FSHR: variants seen among roughly 807,000 people sequenced by gnomAD.
FSHR encodes follicle-stimulating hormone receptor.
A neutral mutation model predicts 52.1 loss-of-function variants in FSHR; 46 were observed. That is an observed-to-expected ratio of 0.88 (90% CI 0.70 to 1.13). The LOEUF is 1.13. Among genes scored for constraint, FSHR ranks in the 50% most tolerant of loss-of-function variants. The pLI, the probability that FSHR is intolerant of heterozygous loss-of-function variation, is 0.00. For missense variants in FSHR, 964 were observed against 834.6 expected, an observed-to-expected ratio of 1.16 and a Z score of -1.91; for synonymous variants, 399 against 309.6, an observed-to-expected ratio of 1.29 and a Z score of -3.03.
chr2:49,016,351 C>T (rs554558146), intron 4 of FSHR, among the ~76,000 whole-genome samples: 21 of 152,278 alleles, frequency 1.4e-4, no homozygotes, highest in African/African-American at 4.8e-4. Flanking sequence ...CCTTTTGAAT[C>T]TGGATGATTC....
chr2:49,039,489 A>G (rs1668407393), intron 2 of FSHR, among the ~76,000 whole-genome samples: 1 of 152,216 alleles, frequency 6.6e-6, no homozygotes, highest in Admixed American at 6.5e-5. Context: ...CTTTCTTGTT[A>G]TCTTTCCAAA....
intron 1 of FSHR, among the ~76,000 whole-genome samples, chr2:49,115,172 A>G (rs1320805969): frequency 6.6e-6 from 1 of 150,704 alleles, no homozygotes; most frequent in Admixed American, 6.6e-5. Context: ...GACCCTTTAC[A>G]GGATCCAACC....
chr2:49,088,409 A>C (rs561498568), intron 1 of FSHR, among the ~76,000 whole-genome samples: 1 of 152,358 alleles, frequency 6.6e-6, no homozygotes, highest in Admixed American at 6.5e-5. Context: ...ATTTTACCAG[A>C]AATTCTTCAG....
chr2:49,101,215 T>C (rs1355128657), intron 1 of FSHR, among the ~76,000 whole-genome samples: 2 of 152,024 alleles, frequency 1.3e-5, no homozygotes, highest in South Asian at 2.1e-4. Context: ...AGGGAAGAGA[T>C]GTTGGAGGGT....
intron 1 of FSHR, among the ~76,000 whole-genome samples, chr2:49,091,132 CA>C (rs983605827): frequency 2.2e-5 from 3 of 136,476 alleles, no homozygotes; most frequent in African/African-American, 8.0e-5. Context: ...TCCAACTTAC[CA>C]TTTTTTTTTT....
intron 1 of FSHR, among the ~76,000 whole-genome samples, chr2:49,104,174 A>G (rs927142071): frequency 2.0e-5 from 3 of 152,106 alleles, no homozygotes; most frequent in African/African-American, 4.8e-5. Flanking sequence ...CCCAGGCCCA[A>G]TGGCCTTGGG....
Position 48,988,976 on chromosome 2 carries a change from C to A in FSHR, c.524+1G>T. The stretch of plus-strand genomic sequence containing the variant: ...TGTTGGATTTTTTCCCCCTTACTTA[C>A]AGAATCACACTTTCAAAGCTCAGCC... On this transcript the variant is annotated splice_donor_variant, in intron 6 of 9. Coordinates refer to ENST00000406846, the MANE Select transcript of FSHR (RefSeq NM_000145.4). LOFTEE classifies it high-confidence loss of function. The A allele has an allele frequency of 6.2e-7, 1 of 1,612,864 alleles. No individual in the cohort carries two copies. Among genetic ancestry groups the A allele is most frequent in the Non-Finnish European group, 8.5e-7 (1 of 1,178,942 alleles).
intron 4 of FSHR, among the ~76,000 whole-genome samples, chr2:48,993,858 G>A (rs1002282299): frequency 1.3e-5 from 2 of 152,114 alleles, no homozygotes; most frequent in Non-Finnish European, 2.9e-5. Flanking sequence ...TCACCCTTCA[G>A]AGTTTAGTTA....
intron 1 of FSHR, among the ~76,000 whole-genome samples, chr2:49,142,258 G>T (rs1672714500): frequency 6.6e-6 from 1 of 152,204 alleles, no homozygotes; most frequent in African/African-American, 2.4e-5. Context: ...GTAAGTTTAT[G>T]TGCTATTATA....
intron 1 of FSHR, among the ~76,000 whole-genome samples, chr2:49,082,641 A>C (rs949550182): frequency 6.6e-6 from 1 of 152,196 alleles, no homozygotes; most frequent in African/African-American, 2.4e-5. Flanking sequence ...AATACAGAGA[A>C]GTGCTTAAAG....
chr2:49,004,698 G>C (rs1197576516), intron 4 of FSHR, among the ~76,000 whole-genome samples: 2 of 152,138 alleles, frequency 1.3e-5, no homozygotes, highest in East Asian at 3.9e-4. Flanking sequence ...GGGAGTGTCT[G>C]ATGAGGATGA....
chr2:48,972,998 G>A (rs1290655249), intron 8 of FSHR, among the ~76,000 whole-genome samples: 1 of 143,390 alleles, frequency 7.0e-6, no homozygotes. Flanking sequence ...TTCCCATTGC[G>A]GGTCTATTTG....
chr2:49,094,025 C>T (rs1504185), intron 1 of FSHR, among the ~76,000 whole-genome samples: 36,065 of 152,066 alleles, frequency 0.24, 4,275 homozygotes, highest in Middle Eastern at 0.29. Context: ...TTAGGTCTAT[C>T]GCTTTCTAAT....
intron 1 of FSHR, among the ~76,000 whole-genome samples, chr2:49,094,495 C>G (rs1439124916): frequency 6.6e-6 from 1 of 152,080 alleles, no homozygotes; most frequent in African/African-American, 2.4e-5. Flanking sequence ...TCCCAGCTAA[C>G]AAATTATTAG....
chr2:49,149,707 T>C (rs1219837879), intron 1 of FSHR, among the ~76,000 whole-genome samples: 2 of 152,040 alleles, frequency 1.3e-5, no homozygotes, highest in Non-Finnish European at 2.9e-5. Flanking sequence ...TTAAAATTCC[T>C]AATAATAATC....
chr2:49,084,660 G>C (rs1188579440), intron 1 of FSHR, among the ~76,000 whole-genome samples: 2 of 152,114 alleles, frequency 1.3e-5, no homozygotes, highest in South Asian at 4.1e-4. Flanking sequence ...TGATAAAGGG[G>C]ATATCATCAC....
intron 4 of FSHR, among the ~76,000 whole-genome samples, chr2:49,014,360 G>A (rs931131882): frequency 3.9e-5 from 6 of 152,086 alleles, no homozygotes; most frequent in African/African-American, 1.4e-4. Flanking sequence ...ACAGGACTGA[G>A]GACTACTCAA....
At chr2:48,965,883 T>A (rs1007076166) in intron 9 of FSHR, among the ~76,000 whole-genome samples, 1 of 152,224 alleles carries the variant, frequency 6.6e-6, no homozygotes, top group East Asian at 1.9e-4. Flanking sequence ...GCCTCCGCAG[T>A]ACTTTGGAAA....
chr2:49,037,294 A>G (rs1259630904), intron 2 of FSHR, among the ~76,000 whole-genome samples: 1 of 152,252 alleles, frequency 6.6e-6, no homozygotes, highest in Non-Finnish European at 1.5e-5. Flanking sequence ...TAAATGTTAT[A>G]ACAGAACTGG....
Sources: gnomAD v4.1 joint callset for allele counts (sites outside exome capture counted in the v4.1 genomes callset) on GRCh38, gnomAD v4.1.1 for gene constraint, MANE v1.5 for transcripts, NCBI Gene and HGNC (gene_info 2026-07-23, HGNC 2026-07-21) for gene names.